TENM4: variants seen among roughly 807,000 people sequenced by gnomAD.
TENM4 encodes the protein teneurin transmembrane protein 4.
In TENM4, 82 loss-of-function variants were observed where a neutral mutation model predicts 243.3. That is an observed-to-expected ratio of 0.34 (90% CI 0.28 to 0.40). The LOEUF (loss-of-function observed/expected upper bound fraction) is 0.40, where lower values mean the gene tolerates loss of function less well. Among genes scored for constraint, TENM4 ranks in the 10% least tolerant of loss-of-function variants. The probability of loss-of-function intolerance (pLI) is 1.00; values close to 1 mark genes in which losing one functional copy is unlikely to be tolerated. For synonymous variants in TENM4, 1,412 were observed against 1,456.3 expected, an observed-to-expected ratio of 0.97 and a Z score of 0.69; for missense variants, 3,138 against 3,673.3, an observed-to-expected ratio of 0.85 and a Z score of 3.77.
At chr11:79,343,468 A>T (rs549920080) in intron 1 of TENM4, among the ~76,000 whole-genome samples, 2 of 152,302 alleles carry the variant, frequency 1.3e-5, no homozygotes, top group South Asian at 4.1e-4. Flanking sequence ...AATGGGTATG[A>T]CAAAAAAAAT....
chr11:79,225,644 T>A (rs1864248768), intron 2 of TENM4, among the ~76,000 whole-genome samples: 1 of 152,070 alleles, frequency 6.6e-6, no homozygotes, highest in African/African-American at 2.4e-5. Context: ...ATGCTGGCTA[T>A]TTTTTTGTAG....
chr11:78,750,732 T>C (rs1282147621), intron 19 of TENM4, among the ~76,000 whole-genome samples: 4 of 152,170 alleles, frequency 2.6e-5, no homozygotes, highest in African/African-American at 9.7e-5. Flanking sequence ...TTCCTTTGGG[T>C]TCAATGACAA....
chr11:79,080,411 A>C (rs935263160), intron 4 of TENM4, among the ~76,000 whole-genome samples: 3 of 152,246 alleles, frequency 2.0e-5, no homozygotes, highest in Non-Finnish European at 4.4e-5. Flanking sequence ...GCACTGCATC[A>C]GGTGGGGTGG....
rs1420514404 is a variant in TENM4, at chr11:78,863,110, G to A, written c.1107C>T (p.Asn369=). ...GCCCCTCCATCGGCTGCAGGTGCCA[G>A]TTTAGGCCAAACAGGTGCATGGCTG... ...YFVAMHLFGL[N]WHLQPMEGQM... The change falls in exon 10 of 34, where the codon AAC becomes AAT. Residue 369 remains asparagine, a synonymous_variant. Coordinates refer to ENST00000278550, the MANE Select transcript of TENM4 (RefSeq NM_001098816.3). The A allele has an allele frequency of 2.6e-6, 4 of 1,525,050 alleles. No individual in the cohort carries two copies. Among genetic ancestry groups the A allele is most frequent in the East Asian group, 2.5e-5 (1 of 40,260 alleles). 94.5% of individuals were successfully genotyped at this position (1,525,050 alleles called of 1,614,324 possible).
In TENM4 at chr11:78,922,116, C is replaced by T. The variant is rs187075496; in HGVS notation, c.494-18593G>A. ...AGTGCCCAGGAGAAGGCAATAAATG[C>T]CTATCAGATGTCCATGTGCAGCAGG... On this transcript the variant is annotated intron_variant, in intron 6 of 33. Transcript: ENST00000278550. 3.1e-3 allele frequency among the ~76,000 whole-genome samples: 465 copies of T among 152,292 alleles called. 2 individuals carry two copies. Among genetic ancestry groups the T allele is most frequent in the African/African-American group, 0.011 (440 of 41,552 alleles).
intron 1 of TENM4, among the ~76,000 whole-genome samples, chr11:79,352,637 G>C (rs1008029045): frequency 6.6e-5 from 10 of 152,222 alleles, no homozygotes; most frequent in Non-Finnish European, 4.4e-5. Flanking sequence ...GGGCAGGCGA[G>C]AGAGGCAAGG....
chr11:79,287,762 C>T (rs1236003350), intron 2 of TENM4, among the ~76,000 whole-genome samples: 1 of 152,190 alleles, frequency 6.6e-6, no homozygotes, highest in Non-Finnish European at 1.5e-5. Flanking sequence ...TTTCACTCAT[C>T]ATGAGGATTC....
rs550261834 is a variant in TENM4 at position 79,089,319 on chromosome 11, C to T, written c.-65-19310G>A. The stretch of plus-strand genomic sequence containing the variant: ...TTGCCTCGACCTTCCCAAGTTGTGC[C>T]TGCTTTGGCCTGCTAGCTTCCTTCT... On this transcript the variant is annotated intron_variant, in intron 4 of 33. Coordinates refer to ENST00000278550, the MANE Select transcript of TENM4 (RefSeq NM_001098816.3). Among the ~76,000 whole-genome samples, 31 of 152,352 alleles carry T rather than the reference C, an allele frequency of 2.0e-4. No individual in the cohort carries two copies. The South Asian group carries it at 5.8e-3, about 29-fold the overall frequency.
At chr11:79,092,152 C>T (rs1860971984) in intron 4 of TENM4, among the ~76,000 whole-genome samples, 1 of 152,176 alleles carries the variant, frequency 6.6e-6, no homozygotes, top group South Asian at 2.1e-4. Context: ...TCCCTCCATT[C>T]CAACTCCATC....
chr11:79,213,538 C>G (rs888682589), intron 3 of TENM4, among the ~76,000 whole-genome samples: 23 of 152,336 alleles, frequency 1.5e-4, no homozygotes, highest in African/African-American at 5.5e-4. Context: ...CAGATTCTTG[C>G]AGCCTAGTAT....
intron 1 of TENM4, among the ~76,000 whole-genome samples, chr11:79,435,099 A>AT (rs1265029264): frequency 1.3e-5 from 2 of 152,088 alleles, no homozygotes; most frequent in East Asian, 1.9e-4. Flanking sequence ...GGATCTCATC[A>AT]TTTTTTCTAC....
chr11:78,741,866 C>A (rs1855938793), intron 19 of TENM4, among the ~76,000 whole-genome samples: 2 of 152,202 alleles, frequency 1.3e-5, no homozygotes, highest in African/African-American at 4.8e-5. Context: ...ATCACTGTCA[C>A]CGACTTGGCT....
In TENM4 at chr11:79,296,033, G is replaced by C. The variant is rs191258238; in HGVS notation, c.-265+1455C>G. Among the ~76,000 whole-genome samples, 180 of 151,950 alleles carry C rather than the reference G, an allele frequency of 1.2e-3. 3 individuals carry two copies. Among genetic ancestry groups the C allele is most frequent in the African/African-American group, 4.2e-3 (172 of 41,412 alleles). On this transcript the variant is annotated intron_variant, in intron 2 of 33. Transcript: ENST00000278550. Reference sequence around the variant, plus strand: ...TCTAGGTGCATCTACATCAACCATGGTCATAATTCGCAACATACACATATA... The same window carrying C: ...TCTAGGTGCATCTACATCAACCATGCTCATAATTCGCAACATACACATATA...
At chr11:79,090,494 C>T (rs1860919382) in intron 4 of TENM4, among the ~76,000 whole-genome samples, 1 of 152,246 alleles carries the variant, frequency 6.6e-6, no homozygotes, top group Non-Finnish European at 1.5e-5. Context: ...GCATGGCTTG[C>T]ATCTGGCAAC....
At chr11:78,947,098 A>G (rs1330332411) in intron 6 of TENM4, among the ~76,000 whole-genome samples, 1 of 152,244 alleles carries the variant, frequency 6.6e-6, no homozygotes, top group East Asian at 1.9e-4. Flanking sequence ...GTCAAACAAC[A>G]TTCCATTGTA....
chr11:79,394,114 A>G (rs956157444), intron 1 of TENM4, among the ~76,000 whole-genome samples: 10 of 152,192 alleles, frequency 6.6e-5, no homozygotes, highest in African/African-American at 2.4e-4. Context: ...CAGACTCACT[A>G]AACCCTAGTT....
At chr11:78,875,629 G>A (rs931757962) in intron 9 of TENM4, among the ~76,000 whole-genome samples, 2 of 152,212 alleles carry the variant, frequency 1.3e-5, no homozygotes, top group African/African-American at 4.8e-5. Context: ...TGGGCTCTGG[G>A]TGTGAGTCCT....
chr11:78,908,046 C>T lies in TENM4; in HGVS notation c.494-4523G>A, dbSNP rs930003791. ...TTGCAGTTACTAGTGTCCTCCAACACGTTAGGCAGTTTTCATTTTAGATGC... is the reference window on the plus strand; with the variant it reads ...TTGCAGTTACTAGTGTCCTCCAACATGTTAGGCAGTTTTCATTTTAGATGC... On this transcript the variant is annotated intron_variant, in intron 6 of 33. Transcript: ENST00000278550. Among the ~76,000 whole-genome samples, 12 of 152,310 alleles carry T rather than the reference C, an allele frequency of 7.9e-5. No individual in the cohort carries two copies. In the South Asian group the frequency reaches 1.0e-3, roughly 13 times the overall value.
At chr11:79,363,296 T>C (rs1857621950) in intron 1 of TENM4, among the ~76,000 whole-genome samples, 2 of 152,228 alleles carry the variant, frequency 1.3e-5, no homozygotes, top group South Asian at 4.1e-4. Flanking sequence ...CCAGCCCACT[T>C]GCTCCATCTG....
Sources: allele counts gnomAD v4.1 joint callset (sites outside exome capture counted in the v4.1 genomes callset), GRCh38; gene constraint gnomAD v4.1.1; transcripts MANE v1.5; gene names NCBI Gene and HGNC (gene_info 2026-07-23, HGNC 2026-07-21).